The following F13B variants were observed in gnomAD, a reference collection of about 807,000 sequenced individuals.
F13B encodes TGase.
F13B carries 58 observed loss-of-function variants against 79.8 expected under a neutral mutation model. The observed-to-expected ratio is 0.73, with a 90% CI of 0.59 to 0.90. The LOEUF is 0.90. F13B is among the 40% of genes least tolerant of loss of function. The pLI is 0.00. For synonymous variants in F13B, 283 were observed against 260.3 expected (o/e 1.09, Z -0.84); for missense variants, 773 against 777.0 (o/e 0.99, Z 0.06).
rs1270787311 is a variant in F13B, at chr1:197,052,970, CACAT to C, written c.1355-140_1355-137del. ...AATCATAATTAAGGCTTCTCTCACA[CACAT>C]ATATATATAAGAAAATATATACTTT... On this transcript the variant is annotated intron_variant, in intron 8 of 11. Coordinates refer to ENST00000367412, the MANE Select transcript of F13B (RefSeq NM_001994.3). 1.1e-3 allele frequency: 515 copies of C among 487,520 alleles called. 10 individuals are homozygous for C. The highest frequency in any genetic ancestry group is 1.5e-3 in the Non-Finnish European group (428 of 276,504). The allele number at this position is 487,520 out of a possible 1,614,324, so 30.2% of individuals were successfully genotyped here. A position where few individuals can be genotyped will look rare whatever the true frequency, so the allele number is the denominator to read the frequency against.
In F13B at chr1:197,057,063, T is replaced by C; in HGVS notation, c.1121A>G (p.Asn374Ser). The C allele has an allele frequency of 6.2e-7, 1 of 1,613,792 alleles. No homozygotes were observed. Among genetic ancestry groups the C allele is most frequent in the Non-Finnish European group, 8.5e-7 (1 of 1,179,902 alleles). ...CKSGYLLHGSNEITCNRGKWT... is the reference protein window; with the variant it reads ...CKSGYLLHGSSEITCNRGKWT... Reference sequence around the variant, plus strand: ...TTTTCCACGATTACAAGTTATCTCATTCGATCCATGGAGAAGGTAGCCGCT... The same window carrying C: ...TTTTCCACGATTACAAGTTATCTCACTCGATCCATGGAGAAGGTAGCCGCT... Residue 374 changes from asparagine (N) to serine (S), a missense_variant, in exon 7 of 12, where the codon AAT (asparagine) becomes AGT (serine). Asn to Ser is a conservative substitution (Grantham distance 46, BLOSUM62 1). Transcript: ENST00000367412.
intron 10 of F13B, among the ~76,000 whole-genome samples, chr1:197,044,651 A>G (rs1242170090): frequency 6.6e-6 from 1 of 152,136 alleles, no homozygotes; most frequent in Non-Finnish European, 1.5e-5. Context: ...CTCTGGACCA[A>G]GCAGACCTAA....
At chr1:197,063,111 A>C in intron 1 of F13B, 54 bp from the exon 2 acceptor site, 1 of 1,492,906 alleles carries the variant, frequency 6.7e-7, no homozygotes, top group Non-Finnish European at 9.3e-7. Context: ...AAAAACATAA[A>C]TTTGTAATCA....
chr1:197,048,148 G>GTATA (rs10640299), intron 10 of F13B, among the ~76,000 whole-genome samples: 3 of 150,060 alleles, frequency 2.0e-5, no homozygotes, highest in African/African-American at 4.9e-5. Context: ...ATATATATGT[G>GTATA]TATATATATA....
Position 197,056,877 on chromosome 1 carries a change from A to G in F13B, c.1171+136T>C, listed in dbSNP as rs1465415461. 7.7e-6 allele frequency: 6 copies of G among 780,552 alleles called. No individual in the cohort carries two copies. The African/African-American group carries it at 8.6e-5, about 11-fold the overall frequency. 48.4% of individuals were successfully genotyped at this position (780,552 alleles called of 1,614,324 possible). A position where few individuals can be genotyped will look rare whatever the true frequency, so the allele number is the denominator to read the frequency against. ...CACACATGCACACATGCAAAGCAGAAGAGTAGGTGCTGTAGCAATGTGTTT... is the reference window on the plus strand; with the variant it reads ...CACACATGCACACATGCAAAGCAGAGGAGTAGGTGCTGTAGCAATGTGTTT... On this transcript the variant is annotated intron_variant, in intron 7 of 11. Coordinates refer to ENST00000367412, the MANE Select transcript of F13B (RefSeq NM_001994.3).
chr1:197,050,888 A>G lies in F13B; in HGVS notation c.1556-9T>C, dbSNP rs374447970. On this transcript the variant is annotated splice_polypyrimidine_tract_variant and intron_variant, in intron 9 of 11. Transcript: ENST00000367412. ...GCACATTCCTTTAGATTCTGCAAAA[A>G]TAAGTTTTAAAGTATACAATGAATT... The G allele has an allele frequency of 4.3e-6, 7 of 1,610,476 alleles. No homozygotes were observed. The highest frequency in any genetic ancestry group is 5.9e-6 in the Non-Finnish European group (7 of 1,177,518).
In F13B at chr1:197,067,087, CTT is replaced by C. The variant is rs1250770149; in HGVS notation, c.64+71_64+72del. Reference sequence around the variant, plus strand: ...ATGAAAATAGAAGAGTATATTAAAACTTGAGTTGTATAAATATTAGAATCTCC... The same window carrying C: ...ATGAAAATAGAAGAGTATATTAAAACGAGTTGTATAAATATTAGAATCTCC... On this transcript the variant is annotated intron_variant, in intron 1 of 11. Transcript: ENST00000367412. The C allele has an allele frequency of 7.5e-6, 6 of 800,268 alleles. No homozygotes were observed. In the East Asian group the frequency reaches 8.4e-5, roughly 11 times the overall value. 49.6% of individuals were successfully genotyped at this position (800,268 alleles called of 1,614,324 possible). A position where few individuals can be genotyped will look rare whatever the true frequency, so the allele number is the denominator to read the frequency against.
At chr1:197,050,938 A>G in intron 9 of F13B, 59 bp from the exon 10 acceptor site, 5 of 1,409,622 alleles carry the variant, frequency 3.5e-6, no homozygotes, top group South Asian at 1.2e-5. Context: ...CCAGTACTTT[A>G]TAAGTGCTAC....
chr1:197,047,794 G>A (rs766991032), intron 10 of F13B, among the ~76,000 whole-genome samples: 7 of 152,096 alleles, frequency 4.6e-5, no homozygotes, highest in Admixed American at 1.3e-4. Flanking sequence ...TACACACCAT[G>A]GAATACTATG....
chr1:197,049,483 T>C (rs1469317345), intron 10 of F13B, among the ~76,000 whole-genome samples: 1 of 152,094 alleles, frequency 6.6e-6, no homozygotes, highest in East Asian at 1.9e-4. Context: ...TTTGACAATG[T>C]AGTTGTAATG....
chr1:197,054,078 G>C (rs961468003), intron 8 of F13B, among the ~76,000 whole-genome samples: 6 of 152,050 alleles, frequency 3.9e-5, no homozygotes, highest in African/African-American at 1.4e-4. Flanking sequence ...AGTTTCAATA[G>C]TTACCAAGAT....
chr1:197,065,770 T>C (rs1275189581), intron 1 of F13B, among the ~76,000 whole-genome samples: 6 of 152,134 alleles, frequency 3.9e-5, no homozygotes, highest in Admixed American at 2.0e-4. Context: ...TAGAGTAACA[T>C]GTTAAAACAT....
intron 3 of F13B, among the ~76,000 whole-genome samples, chr1:197,061,404 A>G (rs924412593): frequency 1.3e-5 from 2 of 152,134 alleles, no homozygotes; most frequent in Non-Finnish European, 2.9e-5. Context: ...CAAAGTATAC[A>G]TATATTTAAA....
chr1:197,060,941 C>A lies in F13B; in HGVS notation c.586G>T (p.Glu196Ter). 1.2e-6 allele frequency: 2 copies of A among 1,613,312 alleles called. No individual in the cohort carries two copies. Among genetic ancestry groups the A allele is most frequent in the Non-Finnish European group, 1.7e-6 (2 of 1,179,480 alleles). The change falls in exon 4 of 12, where the codon GAA becomes TAA. Residue 196 changes from glutamate to a stop codon, truncating the protein, a stop_gained. Transcript: ENST00000367412. LOFTEE classifies it high-confidence loss of function. ...TAGGKKTEEV[E>*]CLTYGWSLTP... ...AGAGACCATCCGTATGTGAGACATT[C>A]TACCTCCTCTGTCTTCTTTCCTCCA...
chr1:197,048,463 A>G (rs1288225753), intron 10 of F13B, among the ~76,000 whole-genome samples: 15 of 152,056 alleles, frequency 9.9e-5, no homozygotes, highest in Admixed American at 9.9e-4. Context: ...AATGCTTGTC[A>G]AAAGCCCCTT....
chr1:197,060,914 TGA>T lies in F13B; in HGVS notation c.611_612del (p.Leu204HisfsTer16), dbSNP rs1655830969. On this transcript the variant is annotated frameshift_variant, in exon 4 of 12. Transcript: ENST00000367412. LOFTEE classifies it high-confidence loss of function. ...EVECLTYGWS[L>X]TPKCTKLKCS... Reference sequence around the variant, plus strand: ...GAGAACCTACTGGTACATTTTGGTGTGAGAGACCATCCGTATGTGAGACATTC... The same window carrying T: ...GAGAACCTACTGGTACATTTTGGTGTGAGACCATCCGTATGTGAGACATTC... 3 of 1,613,182 alleles carry T rather than the reference TGA, an allele frequency of 1.9e-6. No homozygotes were observed. The highest frequency in any genetic ancestry group is 2.2e-5 in the East Asian group (1 of 44,770).
Position 197,050,776 on chromosome 1 carries a change from A to T in F13B, c.1659T>A (p.Cys553Ter). 1.2e-6 allele frequency: 2 copies of T among 1,613,448 alleles called. No homozygotes were observed. The highest frequency in any genetic ancestry group is 1.7e-6 in the Non-Finnish European group (2 of 1,179,636). ...ATCCTTCTAGGAAATGGTGATCAAA[A>T]CATCTGTATTCTACTGAAGAGCCAT... ...YENGSSVEYR[C>*]FDHHFLEGSR... The change falls in exon 10 of 12, where the codon TGT becomes TGA. Residue 553 changes from cysteine to a stop codon, truncating the protein, a stop_gained. Coordinates refer to ENST00000367412, the MANE Select transcript of F13B (RefSeq NM_001994.3). LOFTEE classifies it high-confidence loss of function.
At position 197,057,014 on chromosome 1, in the gene F13B, A is replaced by G; in HGVS notation, c.1170T>C (p.Val390=). The change falls in exon 7 of 12, where the codon GTT becomes GTC. Residue 390 remains valine, a splice_region_variant and synonymous_variant. Coordinates refer to ENST00000367412, the MANE Select transcript of F13B (RefSeq NM_001994.3). ...TGATGGTAAATGTAGCATACATACC[A>G]ACACACTCAGGAGGAAGTGTCCATT... ...RGKWTLPPEC[V]ENNENCKHPP... is the part of the protein sequence containing the mutation. 1 of 1,613,378 alleles carries G rather than the reference A, an allele frequency of 6.2e-7. No homozygotes were observed. The highest frequency in any genetic ancestry group is 8.5e-7 in the Non-Finnish European group (1 of 1,179,766).
rs770292850 is a variant in F13B, at chr1:197,040,643, A to G, written c.1831T>C (p.Tyr611His). 2 of 1,612,878 alleles carry G rather than the reference A, an allele frequency of 1.2e-6. No individual in the cohort carries two copies. The highest frequency in any genetic ancestry group is 1.1e-5 in the South Asian group (1 of 91,050). Residue 611 changes from tyrosine to histidine, a missense_variant, in exon 11 of 12, where the codon TAT becomes CAT. Transcript: ENST00000367412. Reference sequence around the variant, plus strand: ...TCTCCTCTACAAATAAACTCAATATATTCACCATGCAAAATGTGTGGTCTA... The same window carrying G: ...TCTCCTCTACAAATAAACTCAATATGTTCACCATGCAAAATGTGTGGTCTA... The part of the protein sequence containing the change: ...DNRPHILHGE[Y>H]IEFICRGDTY...
Sources: gnomAD v4.1 joint callset for allele counts (sites outside exome capture counted in the v4.1 genomes callset) on GRCh38, gnomAD v4.1.1 for gene constraint, MANE v1.5 for transcripts, NCBI Gene and HGNC (gene_info 2026-07-23, HGNC 2026-07-21) for gene names.